Variants in TPD52 observed in about 807,000 individuals in gnomAD.
TPD52 encodes prostate and colon associated protein.
A neutral mutation model predicts 31.3 loss-of-function variants in TPD52; 17 were observed. The observed-to-expected ratio is 0.54, with a 90% CI of 0.37 to 0.82. The LOEUF is 0.82. Ranked by LOEUF, TPD52 falls within the 40% of genes least tolerant of loss-of-function variation. The probability of loss-of-function intolerance (pLI) is 0.00; values close to 1 mark genes in which losing one functional copy is unlikely to be tolerated. For missense variants in TPD52, 212 were observed against 240.1 expected (o/e 0.88, Z 0.77); for synonymous variants, 83 against 89.6 (o/e 0.93, Z 0.42).
rs1464220658 is a variant in TPD52 at position 80,072,448 on chromosome 8, T to C, written c.20-7855A>G. Among the ~76,000 whole-genome samples, 130 of 65,818 alleles carry C rather than the reference T, an allele frequency of 2.0e-3. 10 individuals carry two copies. Among genetic ancestry groups the C allele is most frequent in the African/African-American group, 0.011 (126 of 11,500 alleles). The allele number at this position is 65,818 out of a possible 152,430, so 43.2% of individuals were successfully genotyped here. A position where few individuals can be genotyped will look rare whatever the true frequency, so the allele number is the denominator to read the frequency against. ...ACACATAGATATGCGTGTATATACATGTACACATAGATATGCGTGTATATA... is the reference window on the plus strand; with the variant it reads ...ACACATAGATATGCGTGTATATACACGTACACATAGATATGCGTGTATATA... On this transcript the variant is annotated intron_variant, in intron 1 of 7. Coordinates refer to ENST00000518937, the MANE Select transcript of TPD52 (RefSeq NM_001025253.3).
chr8:80,085,855 T>C (rs750961922), intron 1 of TPD52, among the ~76,000 whole-genome samples: 10 of 152,124 alleles, frequency 6.6e-5, no homozygotes, highest in South Asian at 2.1e-4. Flanking sequence ...AGGAAAAACA[T>C]TGAGTGGAGA....
At chr8:80,137,186 T>A (rs891001192) in intron 1 of TPD52, among the ~76,000 whole-genome samples, 11 of 152,178 alleles carry the variant, frequency 7.2e-5, no homozygotes, top group African/African-American at 2.7e-4. Context: ...ACTAAATAGA[T>A]AAGTGTTTGC....
At chr8:80,148,132 A>G (rs1810327529) in intron 1 of TPD52, among the ~76,000 whole-genome samples, 1 of 145,690 alleles carries the variant, frequency 6.9e-6, no homozygotes, top group African/African-American at 2.6e-5. Flanking sequence ...GTATTTTATT[A>G]AAACTTACAA....
In TPD52 at chr8:80,042,530, G is replaced by T; in HGVS notation, c.504+90C>A. The T allele has an allele frequency of 2.0e-6, 3 of 1,537,100 alleles. 1 individual carries two copies. The highest frequency in any genetic ancestry group is 2.5e-5 in the South Asian group (2 of 78,954). On this transcript the variant is annotated intron_variant, in intron 7 of 7. Coordinates refer to ENST00000518937, the MANE Select transcript of TPD52 (RefSeq NM_001025253.3). ...TACATTCTTTAGATATTTTTAGAAA[G>T]AAATATTAATGTCAATGATTTTCGC...
At chr8:80,163,179 T>G (rs1375454740) in intron 1 of TPD52, among the ~76,000 whole-genome samples, 2 of 152,218 alleles carry the variant, frequency 1.3e-5, no homozygotes, top group Non-Finnish European at 2.9e-5. Context: ...CACACTCATG[T>G]TCATTACAGC....
intron 1 of TPD52, among the ~76,000 whole-genome samples, chr8:80,117,196 A>G (rs1707470099): frequency 6.6e-6 from 1 of 152,226 alleles, no homozygotes; most frequent in Non-Finnish European, 1.5e-5. Context: ...TTGGAAATGA[A>G]AAAGTAAAAC....
At chr8:80,139,542 T>TG (rs1320890859) in intron 1 of TPD52, among the ~76,000 whole-genome samples, 2 of 149,814 alleles carry the variant, frequency 1.3e-5, no homozygotes, top group Non-Finnish European at 3.0e-5. Context: ...TTACCCACTC[T>TG]GGGGCATATG....
At chr8:80,067,353 G>A (rs1251768438) in intron 1 of TPD52, 1 of 151,940 alleles carries the variant, frequency 6.6e-6, no homozygotes, top group Non-Finnish European at 1.5e-5. Context: ...ATTAAAAGGT[G>A]CAGTCTGGAA....
chr8:80,042,067 CA>C (rs1307625775), intron 7 of TPD52: 1 of 576,476 alleles, frequency 1.7e-6, no homozygotes, highest in African/African-American at 2.1e-5. Context: ...CCAGCCTGGG[CA>C]ACAGAGTGAG....
intron 1 of TPD52, among the ~76,000 whole-genome samples, chr8:80,160,109 T>G (rs1353422104): frequency 6.6e-6 from 1 of 151,972 alleles, no homozygotes; most frequent in South Asian, 2.1e-4. Flanking sequence ...GAAGATTGCT[T>G]GAGCCCATAA....
In TPD52 at chr8:80,156,364, G is replaced by T. The variant is rs180779349; in HGVS notation, c.19+15061C>A. On this transcript the variant is annotated intron_variant, in intron 1 of 7. Transcript: ENST00000518937. The stretch of plus-strand genomic sequence containing the variant: ...TGTGGCTTTTTATGGCCTAGCCTTA[G>T]AAGTCACATGGTGTCACTTCCGTCT... 2.9e-3 allele frequency among the ~76,000 whole-genome samples: 445 copies of T among 152,316 alleles called. 1 individual carries two copies. Among genetic ancestry groups the T allele is most frequent in the Non-Finnish European group, 5.2e-3 (357 of 68,022 alleles).
chr8:80,135,028 C>A (rs1324082121), intron 1 of TPD52, among the ~76,000 whole-genome samples: 2 of 152,150 alleles, frequency 1.3e-5, no homozygotes, highest in Non-Finnish European at 2.9e-5. Flanking sequence ...CATGAATTCC[C>A]TTCCAGGAGA....
chr8:80,143,767 T>C (rs1810002138), intron 1 of TPD52, among the ~76,000 whole-genome samples: 1 of 152,252 alleles, frequency 6.6e-6, no homozygotes, highest in African/African-American at 2.4e-5. Flanking sequence ...AAAAACTTAC[T>C]AATGATTTGA....
At chr8:80,137,569 C>T (rs1437107653) in intron 1 of TPD52, among the ~76,000 whole-genome samples, 1 of 152,170 alleles carries the variant, frequency 6.6e-6, no homozygotes, top group Admixed American at 6.5e-5. Context: ...CTGATCATAA[C>T]AGCCGCTCTG....
chr8:80,089,507 G>A (rs1350461720), intron 1 of TPD52, among the ~76,000 whole-genome samples: 3 of 152,120 alleles, frequency 2.0e-5, no homozygotes, highest in African/African-American at 4.8e-5. Context: ...CAGGGAAAAA[G>A]TTAGGGGCTA....
chr8:80,169,906 T>C, intron 1 of TPD52, among the ~76,000 whole-genome samples: 1 of 152,202 alleles, frequency 6.6e-6, no homozygotes, highest in Middle Eastern at 3.2e-3. Flanking sequence ...GATGAAATGT[T>C]TCTAACCTCA....
chr8:80,154,992 T>TG (rs1810853595), intron 1 of TPD52, among the ~76,000 whole-genome samples: 1 of 138,128 alleles, frequency 7.2e-6, no homozygotes, highest in South Asian at 2.2e-4. Context: ...TTTGTGTTTT[T>TG]GGTTTTTTGT....
At position 80,069,110 on chromosome 8, in the gene TPD52, C is replaced by A. The variant is rs1813473467; in HGVS notation, c.20-4517G>T. Among the ~76,000 whole-genome samples, 3 of 152,110 alleles carry A rather than the reference C, an allele frequency of 2.0e-5. No homozygotes were observed. In the South Asian group the frequency reaches 6.2e-4, roughly 32 times the overall value. Reference sequence around the variant, plus strand: ...GTTCTTTTTTATTTTAGAAAATATGCACAGGAGTGTTATGATCAGTGTAAA... The same window carrying A: ...GTTCTTTTTTATTTTAGAAAATATGAACAGGAGTGTTATGATCAGTGTAAA... On this transcript the variant is annotated intron_variant, in intron 1 of 7. Coordinates refer to ENST00000518937, the MANE Select transcript of TPD52 (RefSeq NM_001025253.3).
chr8:80,062,199 C>G (rs200764306), intron 2 of TPD52, among the ~76,000 whole-genome samples: 1 of 152,222 alleles, frequency 6.6e-6, no homozygotes, highest in Non-Finnish European at 1.5e-5. Context: ...TAGTGTGATA[C>G]TGTCAAAAGA....
Sources: allele counts gnomAD v4.1 joint callset (sites outside exome capture counted in the v4.1 genomes callset), GRCh38; gene constraint gnomAD v4.1.1; transcripts MANE v1.5; gene names NCBI Gene and HGNC (gene_info 2026-07-23, HGNC 2026-07-21).